The following MDGA2 variants were observed in gnomAD, a reference collection of about 807,000 sequenced individuals.
MDGA2 encodes MAM domain-containing glycosylphosphatidylinositol anchor protein 2.
A neutral mutation model predicts 117.8 loss-of-function variants in MDGA2; 40 were observed. That is an observed-to-expected ratio of 0.34 (90% CI 0.26 to 0.44). The LOEUF (loss-of-function observed/expected upper bound fraction) is 0.44. Among genes scored for constraint, MDGA2 ranks in the 20% least tolerant of loss-of-function variants. The pLI is 1.00. For synonymous variants in MDGA2, 452 were observed against 439.0 expected (o/e 1.03, Z -0.37); for missense variants, 1,123 against 1,250.6 (o/e 0.90, Z 1.54).
At chr14:47,302,817 T>C (rs1044042090) in intron 1 of MDGA2, among the ~76,000 whole-genome samples, 3 of 152,170 alleles carry the variant, frequency 2.0e-5, no homozygotes, top group Non-Finnish European at 4.4e-5. Flanking sequence ...AGCTTAATAA[T>C]TGACATCAGG....
rs138175118 is a variant in MDGA2, at chr14:47,256,609, G to GA, written c.421-38415dup. Among the ~76,000 whole-genome samples, 376 of 152,264 alleles carry GA rather than the reference G, an allele frequency of 2.5e-3. 2 individuals are homozygous for GA. The highest frequency in any genetic ancestry group is 8.4e-3 in the African/African-American group (350 of 41,568). On this transcript the variant is annotated intron_variant, in intron 2 of 16. Coordinates refer to ENST00000399232, the MANE Select transcript of MDGA2 (RefSeq NM_001113498.3). ...AAACAAAATGTCATTTCTCTGGAAGGAAATTCTGATACTCCATTAGGAGAA... is the reference window on the plus strand; with the variant it reads ...AAACAAAATGTCATTTCTCTGGAAGGAAAATTCTGATACTCCATTAGGAGAA...
At chr14:47,287,788 TA>T (rs1404081822) in intron 2 of MDGA2, among the ~76,000 whole-genome samples, 3 of 152,160 alleles carry the variant, frequency 2.0e-5, no homozygotes, top group African/African-American at 4.8e-5. Flanking sequence ...GTTGCAGGTA[TA>T]ACTAGTTGAG....
At chr14:47,641,115 G>T (rs1242485937) in intron 1 of MDGA2, among the ~76,000 whole-genome samples, 1 of 151,822 alleles carries the variant, frequency 6.6e-6, no homozygotes, top group Non-Finnish European at 1.5e-5. Flanking sequence ...AAATACAGAA[G>T]TATTCATATG....
intron 6 of MDGA2, among the ~76,000 whole-genome samples, chr14:47,083,748 C>A (rs1890791974): frequency 6.6e-6 from 1 of 151,896 alleles, no homozygotes; most frequent in South Asian, 2.1e-4. Context: ...ATATATATAT[C>A]ATGCAAACAA....
intron 7 of MDGA2, among the ~76,000 whole-genome samples, chr14:47,060,776 A>T (rs1269204671): frequency 6.6e-6 from 1 of 152,078 alleles, no homozygotes; most frequent in Non-Finnish European, 1.5e-5. Flanking sequence ...CAACTTTAAC[A>T]TATCAATTTT....
intron 1 of MDGA2, among the ~76,000 whole-genome samples, chr14:47,532,007 C>T (rs552823804): frequency 6.6e-6 from 1 of 152,260 alleles, no homozygotes; most frequent in African/African-American, 2.4e-5. Flanking sequence ...TCAACAGAAA[C>T]CACCACATCT....
intron 1 of MDGA2, among the ~76,000 whole-genome samples, chr14:47,421,560 A>G (rs566514375): frequency 6.6e-6 from 1 of 152,296 alleles, no homozygotes; most frequent in East Asian, 1.9e-4. Flanking sequence ...AAGGACAAAA[A>G]AGTACAACCA....
chr14:47,496,783 A>T (rs11846481), intron 1 of MDGA2, among the ~76,000 whole-genome samples: 28,930 of 150,280 alleles, frequency 0.19, 3,463 homozygotes, highest in East Asian at 0.53. Context: ...AATATATATA[A>T]TATATTATAC....
At chr14:47,120,873 G>A (rs1232008250) in intron 5 of MDGA2, among the ~76,000 whole-genome samples, 3 of 152,030 alleles carry the variant, frequency 2.0e-5, no homozygotes, top group Admixed American at 6.6e-5. Flanking sequence ...AAAGCTCCAC[G>A]TAAACCAATG....
intron 2 of MDGA2, among the ~76,000 whole-genome samples, chr14:47,280,314 CAAAAAAAAAAAAAA>C (rs1196509408): frequency 2.0e-4 from 7 of 35,842 alleles, no homozygotes; most frequent in African/African-American, 2.4e-4. Context: ...AACTCCATCT[CAAAAAAAAAAAAAA>C]AAAAAAAAAA....
At chr14:46,868,956 G>A (rs760264367) in intron 14 of MDGA2, among the ~76,000 whole-genome samples, 26 of 151,926 alleles carry the variant, frequency 1.7e-4, no homozygotes, top group Non-Finnish European at 7.4e-5. Context: ...CCGCTTTAGT[G>A]GAAATGGCAT....
intron 7 of MDGA2, among the ~76,000 whole-genome samples, chr14:47,044,249 T>C (rs1289701767): frequency 6.6e-6 from 1 of 152,200 alleles, no homozygotes; most frequent in East Asian, 1.9e-4. Flanking sequence ...CTCTTTTATT[T>C]TTTAATTTTA....
intron 5 of MDGA2, among the ~76,000 whole-genome samples, chr14:47,101,528 G>T (rs1237605583): frequency 1.3e-5 from 2 of 152,114 alleles, no homozygotes; most frequent in Admixed American, 1.3e-4. Flanking sequence ...ACTGAGTGTG[G>T]CTGCCTATAT....
intron 7 of MDGA2, among the ~76,000 whole-genome samples, chr14:47,043,118 C>G (rs984526841): frequency 1.3e-5 from 2 of 151,780 alleles, no homozygotes; most frequent in African/African-American, 4.8e-5. Flanking sequence ...TGATTATAAC[C>G]GCGTGTCAAT....
intron 8 of MDGA2, chr14:46,996,753 C>T (rs1887308663): frequency 5.7e-6 from 1 of 175,924 alleles, no homozygotes; most frequent in Non-Finnish European, 1.2e-5. Context: ...GTGGTTCCTT[C>T]AAAAACATAT....
In MDGA2 at chr14:47,081,945, T is replaced by G. The variant is rs530926888; in HGVS notation, c.1195+14909A>C. ...TAAAGTCTTTTCATATTTTGTTACA[T>G]TTTTTGCTCCTCAAAATTAGGAGAT... is the stretch of plus-strand genomic sequence containing the variant. On this transcript the variant is annotated intron_variant, in intron 6 of 16. Coordinates refer to ENST00000399232, the MANE Select transcript of MDGA2 (RefSeq NM_001113498.3). Among the ~76,000 whole-genome samples, 12 of 152,230 alleles carry G rather than the reference T, an allele frequency of 7.9e-5. No individual in the cohort carries two copies. In the East Asian group the frequency reaches 2.3e-3, roughly 29 times the overall value.
chr14:47,088,215 T>A (rs1262306395), intron 6 of MDGA2, among the ~76,000 whole-genome samples: 1 of 152,126 alleles, frequency 6.6e-6, no homozygotes, highest in Non-Finnish European at 1.5e-5. Flanking sequence ...TACTGAATGA[T>A]AATTTTTAGA....
At chr14:46,859,770 T>A (rs1881431085) in intron 14 of MDGA2, among the ~76,000 whole-genome samples, 1 of 152,150 alleles carries the variant, frequency 6.6e-6, no homozygotes, top group African/African-American at 2.4e-5. Context: ...CTCATTTTGA[T>A]TACAGATAAT....
intron 2 of MDGA2, among the ~76,000 whole-genome samples, chr14:47,285,655 A>T (rs1052946768): frequency 2.0e-5 from 3 of 152,112 alleles, no homozygotes; most frequent in Non-Finnish European, 4.4e-5. Flanking sequence ...GCTGGGTAGT[A>T]AAATAAGAAG....
Sources: allele counts gnomAD v4.1 joint callset (sites outside exome capture counted in the v4.1 genomes callset), GRCh38; gene constraint gnomAD v4.1.1; transcripts MANE v1.5; gene names NCBI Gene and HGNC (gene_info 2026-07-23, HGNC 2026-07-21).